The following PDE11A variants were observed in gnomAD, a reference collection of about 807,000 sequenced individuals.
PDE11A encodes dual 3',5'-cyclic-AMP and -GMP phosphodiesterase 11A.
A neutral mutation model predicts 100.5 loss-of-function variants in PDE11A; 100 were observed. That is an observed-to-expected ratio of 1.00 (90% CI 0.85 to 1.18). The LOEUF is 1.18. Ranked by LOEUF, PDE11A falls within the 50% of genes most tolerant of loss-of-function variation. The pLI is 0.00. For missense variants in PDE11A, 1,141 were observed against 1,152.6 expected (o/e 0.99, Z 0.15); for synonymous variants, 381 against 420.8 (o/e 0.91, Z 1.16).
At chr2:177,841,867 GC>G (rs1257642954) in intron 5 of PDE11A, among the ~76,000 whole-genome samples, 1 of 151,434 alleles carries the variant, frequency 6.6e-6, no homozygotes, top group Non-Finnish European at 1.5e-5. Context: ...AGAAGAAGAA[GC>G]TTTATTTTCT....
At chr2:177,931,563 C>T (rs567893586) in intron 2 of PDE11A, among the ~76,000 whole-genome samples, 9 of 152,140 alleles carry the variant, frequency 5.9e-5, no homozygotes, top group East Asian at 5.8e-4. Flanking sequence ...GGATAAAAGA[C>T]GCAATCAAGG....
intron 2 of PDE11A, among the ~76,000 whole-genome samples, chr2:178,004,726 T>C (rs1386378515): frequency 6.6e-6 from 1 of 152,158 alleles, no homozygotes; most frequent in Non-Finnish European, 1.5e-5. Flanking sequence ...GAGCTATGGA[T>C]GTATCAGTCC....
In PDE11A at chr2:178,072,013, G is replaced by T; in HGVS notation, c.425C>A (p.Thr142Asn). 7 of 1,614,062 alleles carry T rather than the reference G, an allele frequency of 4.3e-6. No homozygotes were observed. The highest frequency in any genetic ancestry group is 5.9e-6 in the Non-Finnish European group (7 of 1,179,954). ...ACTCAGGGGTTCCTGAGCCCGGGAG[G>T]TCACCTGTTCATCGTAGGTCCTGTT... ...HVNRTYDEQV[T>N]SRAQEPLSSV... The change falls in exon 1 of 20, where the codon ACC (threonine) becomes AAC (asparagine). Residue 142 changes from threonine (T) to asparagine (N), a missense_variant. Thr to Asn is a moderately conservative substitution (Grantham distance 65). Transcript: ENST00000286063.
intron 6 of PDE11A, among the ~76,000 whole-genome samples, chr2:177,820,577 C>G (rs1309516834): frequency 6.6e-6 from 1 of 151,876 alleles, no homozygotes; most frequent in Admixed American, 6.6e-5. Context: ...GGACATAAAA[C>G]TATCTTGATC....
intron 18 of PDE11A, among the ~76,000 whole-genome samples, chr2:177,664,473 T>C (rs1292158036): frequency 1.3e-5 from 2 of 152,192 alleles, no homozygotes; most frequent in African/African-American, 2.4e-5. Flanking sequence ...CATTAATAAA[T>C]TTTTAAATAT....
At chr2:177,715,118 G>A (rs988114441) in intron 12 of PDE11A, among the ~76,000 whole-genome samples, 4 of 152,214 alleles carry the variant, frequency 2.6e-5, no homozygotes, top group Admixed American at 1.3e-4. Flanking sequence ...GGAGTTGGTT[G>A]TTTTCGAGGA....
chr2:178,098,883 AAT>A (rs1477125897), intron 2 of PDE11A, among the ~76,000 whole-genome samples: 1 of 152,216 alleles, frequency 6.6e-6, no homozygotes, highest in Non-Finnish European at 1.5e-5. Context: ...TTAAATCCCT[AAT>A]AAGATAGTTT....
chr2:177,768,534 G>A (rs2082268645), intron 10 of PDE11A, among the ~76,000 whole-genome samples: 1 of 152,108 alleles, frequency 6.6e-6, no homozygotes, highest in African/African-American at 2.4e-5. Flanking sequence ...ACTTTCAAAA[G>A]GAAAGGAAAT....
chr2:177,676,527 C>T (rs779786313), intron 16 of PDE11A, among the ~76,000 whole-genome samples: 3 of 152,008 alleles, frequency 2.0e-5, no homozygotes, highest in Non-Finnish European at 2.9e-5. Flanking sequence ...GCTTAGATGG[C>T]AGGGGGGTCC....
At position 177,865,063 on chromosome 2, in the gene PDE11A, G is replaced by A. The variant is rs1227295648; in HGVS notation, c.1367+10796C>T. ...GGAGGCCAAGGTGGGTGGAACACCT[G>A]AGGTTAAGAGTTCAAGACCAGCCTG... On this transcript the variant is annotated intron_variant, in intron 5 of 19. Coordinates refer to ENST00000286063, the MANE Select transcript of PDE11A (RefSeq NM_016953.4). 2.6e-5 allele frequency among the ~76,000 whole-genome samples: 4 copies of A among 152,278 alleles called. No homozygotes were observed. In the East Asian group the frequency reaches 5.8e-4, roughly 22 times the overall value.
At chr2:177,774,839 A>G (rs1489843574) in intron 9 of PDE11A, among the ~76,000 whole-genome samples, 3 of 152,174 alleles carry the variant, frequency 2.0e-5, no homozygotes, top group Non-Finnish European at 4.4e-5. Flanking sequence ...TGTCCTAATC[A>G]CTGGAATCTG....
At chr2:177,819,868 TTCTCTC>T (rs34374310) in intron 7 of PDE11A, among the ~76,000 whole-genome samples, 9 of 139,188 alleles carry the variant, frequency 6.5e-5, no homozygotes, top group Admixed American at 2.2e-4. Flanking sequence ...CTTTCTCTCT[TTCTCTC>T]TCTCTCTCTC....
At chr2:177,946,123 C>G (rs865953950) in intron 2 of PDE11A, among the ~76,000 whole-genome samples, 3 of 94,676 alleles carry the variant, frequency 3.2e-5, no homozygotes. Flanking sequence ...GCCCTCCGCC[C>G]GGCCAGCCGC....
intron 4 of PDE11A, among the ~76,000 whole-genome samples, chr2:177,883,503 T>C (rs1403682943): frequency 1.3e-5 from 2 of 152,130 alleles, no homozygotes; most frequent in African/African-American, 4.8e-5. Flanking sequence ...CACAAATGTT[T>C]CACCACAATG....
At chr2:178,042,368 C>T (rs6731331) in intron 1 of PDE11A, among the ~76,000 whole-genome samples, 49,246 of 151,636 alleles carry the variant, frequency 0.32, 10,022 homozygotes, top group East Asian at 0.55. Context: ...GTCCCAGCTA[C>T]TTAGGAAGCG....
rs1336189231 is a variant in PDE11A, at chr2:177,905,079, A to G, written c.1161+19T>C. On this transcript the variant is annotated intron_variant, in intron 3 of 19. Transcript: ENST00000286063. Reference sequence around the variant, plus strand: ...AAAGAGAGTTTTGAGGAGTGTCAACAATGTTTTTATTTACTCACTCTGCTT... The same window carrying G: ...AAAGAGAGTTTTGAGGAGTGTCAACGATGTTTTTATTTACTCACTCTGCTT... 2 of 1,360,284 alleles carry G rather than the reference A, an allele frequency of 1.5e-6. No individual in the cohort carries two copies. The highest frequency in any genetic ancestry group is 2.1e-6 in the Non-Finnish European group (2 of 947,840). 84.3% of individuals were successfully genotyped at this position (1,360,284 alleles called of 1,614,324 possible).
intron 1 of PDE11A, among the ~76,000 whole-genome samples, chr2:178,020,924 GGT>G (rs532087273): frequency 0.086 from 10,766 of 125,336 alleles, 503 homozygotes; most frequent in Admixed American, 0.13. Context: ...TTTTTGTCTT[GGT>G]GTGTGTGTGT....
At chr2:177,645,785 G>A (rs999218405) in intron 19 of PDE11A, among the ~76,000 whole-genome samples, 1 of 152,154 alleles carries the variant, frequency 6.6e-6, no homozygotes, top group Non-Finnish European at 1.5e-5. Context: ...GTCTACCCAA[G>A]TTATAACAAA....
chr2:177,733,560 G>C (rs1200441423), intron 10 of PDE11A, among the ~76,000 whole-genome samples: 3 of 152,192 alleles, frequency 2.0e-5, no homozygotes, highest in Admixed American at 2.0e-4. Flanking sequence ...ATTTTGTGAT[G>C]CTCAGAAAAT....
Sources: gnomAD v4.1 joint callset for allele counts (sites outside exome capture counted in the v4.1 genomes callset) on GRCh38, gnomAD v4.1.1 for gene constraint, MANE v1.5 for transcripts, NCBI Gene and HGNC (gene_info 2026-07-23, HGNC 2026-07-21) for gene names.